ERC2: variants seen among roughly 807,000 people sequenced by gnomAD.
The protein encoded by ERC2 is ELKS/RAB6-interacting/CAST family member 2, also known as ERC protein 2.
In ERC2, 42 loss-of-function variants were observed where a neutral mutation model predicts 114.8. That is an observed-to-expected ratio of 0.37 (90% CI 0.29 to 0.47). The LOEUF (loss-of-function observed/expected upper bound fraction) is 0.47, where lower values mean the gene tolerates loss of function less well. Among genes scored for constraint, ERC2 ranks in the 20% least tolerant of loss-of-function variants. The pLI is 0.99. For missense variants in ERC2, 939 were observed against 1,150.7 expected (o/e 0.82, Z 2.66); for synonymous variants, 454 against 425.5 (o/e 1.07, Z -0.82).
chr3:55,708,400 T>C lies in ERC2; in HGVS notation c.2713-8888A>G, dbSNP rs138654529. ...TGTTTCCACCACAAAGTTACTTAGT[T>C]AAGCGCAGGTCTGTTTAATTAAGTC... On this transcript the variant is annotated intron_variant, in intron 15 of 17. Coordinates refer to ENST00000288221, the MANE Select transcript of ERC2 (RefSeq NM_015576.3). Among the ~76,000 whole-genome samples, 6 of 152,350 alleles carry C rather than the reference T, an allele frequency of 3.9e-5. No homozygotes were observed. In the East Asian group the frequency reaches 1.2e-3, roughly 29 times the overall value.
intron 14 of ERC2, among the ~76,000 whole-genome samples, chr3:55,745,463 G>A (rs2066247910): frequency 1.3e-5 from 2 of 152,218 alleles, no homozygotes; most frequent in Non-Finnish European, 2.9e-5. Context: ...GGGAGGGTGA[G>A]TGAAATGAAG....
At chr3:56,245,808 T>A (rs138183312) in intron 3 of ERC2, among the ~76,000 whole-genome samples, 117 of 152,234 alleles carry the variant, frequency 7.7e-4, no homozygotes, top group African/African-American at 2.7e-3. Flanking sequence ...CCTAAAGTGC[T>A]GGGATTACAG....
At chr3:55,935,725 C>T (rs964850437) in intron 13 of ERC2, among the ~76,000 whole-genome samples, 2 of 152,172 alleles carry the variant, frequency 1.3e-5, no homozygotes, top group Admixed American at 6.5e-5. Context: ...CACACAAGGC[C>T]ATTGCTCTGA....
In ERC2 at chr3:56,096,123, A is replaced by G. The variant is rs149758829; in HGVS notation, c.1474-15139T>C. Among the ~76,000 whole-genome samples, 268 of 152,328 alleles carry G rather than the reference A, an allele frequency of 1.8e-3. 1 individual carries two copies. The highest frequency in any genetic ancestry group is 6.0e-3 in the African/African-American group (250 of 41,572). On this transcript the variant is annotated intron_variant, in intron 6 of 17. Coordinates refer to ENST00000288221, the MANE Select transcript of ERC2 (RefSeq NM_015576.3). ...TTTATTATAAGGCACTAAGAGATAA[A>G]GTAGAGACAATCACTGAACAGCAGC...
At chr3:56,115,764 G>C (rs569828600) in intron 6 of ERC2, among the ~76,000 whole-genome samples, 1 of 152,080 alleles carries the variant, frequency 6.6e-6, no homozygotes, top group Admixed American at 6.5e-5. Flanking sequence ...GCCCCTCCCA[G>C]AGCTAGCCAA....
At chr3:55,635,002 C>T (rs977603991) in intron 17 of ERC2, among the ~76,000 whole-genome samples, 1 of 151,982 alleles carries the variant, frequency 6.6e-6, no homozygotes, top group African/African-American at 2.4e-5. Flanking sequence ...CTGCCTCAGC[C>T]TCTTGAGTAG....
At position 56,010,354 on chromosome 3, in the gene ERC2, C is replaced by T. The variant is rs116349881; in HGVS notation, c.1920+95G>A. 875 of 1,405,750 alleles carry T rather than the reference C, an allele frequency of 6.2e-4. 4 individuals are homozygous for T. The African/African-American group carries it at 0.012, about 19-fold the overall frequency. The allele number at this position is 1,405,750 out of a possible 1,614,324, so 87.1% of individuals were successfully genotyped here. ...TTACTACATTCCCCAAGCCTTCATA[C>T]AGTGCCTCCTACTAAGTCTCTAGTC... On this transcript the variant is annotated intron_variant, in intron 9 of 17. Transcript: ENST00000288221.
chr3:56,405,640 TAGAC>T (rs1291301319), intron 2 of ERC2, among the ~76,000 whole-genome samples: 3 of 120,622 alleles, frequency 2.5e-5, no homozygotes, highest in African/African-American at 3.5e-5. Context: ...GATAGATACA[TAGAC>T]AGATAGATAG....
At chr3:55,858,835 C>A (rs2061900141) in intron 14 of ERC2, among the ~76,000 whole-genome samples, 1 of 152,114 alleles carries the variant, frequency 6.6e-6, no homozygotes, top group African/African-American at 2.4e-5. Context: ...ATTCTGTTTT[C>A]CTGGCATGCT....
At chr3:55,975,670 C>T (rs991402414) in intron 12 of ERC2, among the ~76,000 whole-genome samples, 4 of 152,214 alleles carry the variant, frequency 2.6e-5, no homozygotes, top group Non-Finnish European at 4.4e-5. Context: ...CCAGAAGATA[C>T]TCCTCGTTAT....
At chr3:55,875,043 AT>A (rs2062762563) in intron 14 of ERC2, among the ~76,000 whole-genome samples, 1 of 152,116 alleles carries the variant, frequency 6.6e-6, no homozygotes, top group African/African-American at 2.4e-5. Context: ...CCAGCAAGGG[AT>A]CCCCAGTGAT....
chr3:55,781,192 G>T (rs1200092161), intron 14 of ERC2, among the ~76,000 whole-genome samples: 1 of 152,196 alleles, frequency 6.6e-6, no homozygotes, highest in Non-Finnish European at 1.5e-5. Flanking sequence ...CACAATGCAG[G>T]AAGGGATGTC....
intron 13 of ERC2, among the ~76,000 whole-genome samples, chr3:55,943,797 CCAG>C (rs758073187): frequency 2.0e-5 from 3 of 152,092 alleles, no homozygotes; most frequent in Non-Finnish European, 4.4e-5. Flanking sequence ...AATGGGGTCT[CCAG>C]TTTATAGTCC....
intron 15 of ERC2, among the ~76,000 whole-genome samples, chr3:55,717,108 G>GT (rs1202133651): frequency 3.9e-5 from 6 of 152,162 alleles, no homozygotes; most frequent in African/African-American, 1.2e-4. Context: ...ACAGAGTCAG[G>GT]TTTTAGGAAC....
chr3:55,557,527 C>A (rs573224308), intron 17 of ERC2, among the ~76,000 whole-genome samples: 1 of 152,350 alleles, frequency 6.6e-6, no homozygotes, highest in Non-Finnish European at 1.5e-5. Flanking sequence ...TCCTGGCCAC[C>A]CCTTGGGGGA....
chr3:56,242,457 T>C (rs888668133), intron 3 of ERC2, among the ~76,000 whole-genome samples: 2 of 148,072 alleles, frequency 1.4e-5, no homozygotes, highest in Admixed American at 6.9e-5. Context: ...CCCAAAACTA[T>C]TGAAATTAAA....
rs145487398 is a variant in ERC2 at position 55,816,624 on chromosome 3, C to T, written c.2564+71765G>A. Among the ~76,000 whole-genome samples, 550 of 152,294 alleles carry T rather than the reference C, an allele frequency of 3.6e-3. 6 individuals are homozygous for T. Among genetic ancestry groups the T allele is most frequent in the African/African-American group, 0.012 (511 of 41,568 alleles). On this transcript the variant is annotated intron_variant, in intron 14 of 17. Coordinates refer to ENST00000288221, the MANE Select transcript of ERC2 (RefSeq NM_015576.3). ...CTTATGCCAGATGCAATCTCATTTC[C>T]GCACATAATTCCCATTGTTTTAAGA...
At chr3:55,513,639 T>C (rs2052270166) in intron 17 of ERC2, among the ~76,000 whole-genome samples, 1 of 150,756 alleles carries the variant, frequency 6.6e-6, no homozygotes, top group Non-Finnish European at 1.5e-5. Context: ...TATATATACA[T>C]ATCTTTTATT....
intron 14 of ERC2, among the ~76,000 whole-genome samples, chr3:55,749,555 T>G (rs995355254): frequency 6.6e-6 from 1 of 152,158 alleles, no homozygotes; most frequent in Non-Finnish European, 1.5e-5. Context: ...CACCAATCAG[T>G]GCTCTGTAAA....
Sources: allele counts gnomAD v4.1 joint callset (sites outside exome capture counted in the v4.1 genomes callset), GRCh38; gene constraint gnomAD v4.1.1; transcripts MANE v1.5; gene names NCBI Gene and HGNC (gene_info 2026-07-23, HGNC 2026-07-21).